The following ANKRD30BL variants were observed in gnomAD, a reference collection of about 807,000 sequenced individuals.
ANKRD30BL encodes the protein putative ankyrin repeat domain-containing protein 30B-like.
Under a neutral mutation model 18.4 loss-of-function variants are expected in ANKRD30BL, and 20 were observed. The observed-to-expected ratio is 1.09, with a 90% CI of 0.77 to 1.58. The LOEUF (loss-of-function observed/expected upper bound fraction) is 1.58, where lower values mean the gene tolerates loss of function less well. ANKRD30BL is among the 40% of genes most tolerant of loss of function. ANKRD30BL has a pLI of 0.00. For synonymous variants in ANKRD30BL, 72 were observed against 100.9 expected (o/e 0.71, Z 1.72); for missense variants, 224 against 268.6 (o/e 0.83, Z 1.16).
upstream of ANKRD30BL, among the ~76,000 whole-genome samples, chr2:132,162,848 G>T (rs1464690701): frequency 6.6e-6 from 1 of 152,260 alleles, no homozygotes; most frequent in Non-Finnish European, 1.5e-5. Context: ...CGCCGCCTGG[G>T]CCCAGAGGGG....
chr2:132,157,272 A>G (rs1410727364), intron 2 of ANKRD30BL, 37 bp downstream of exon 2: 2 of 865,354 alleles, frequency 2.3e-6, no homozygotes, highest in African/African-American at 3.3e-5. Flanking sequence ...ATTTAAACCA[A>G]ATCCATCTCC....
intron 1 of ANKRD30BL, among the ~76,000 whole-genome samples, chr2:132,229,057 T>A (rs531186271): frequency 4.5e-4 from 69 of 152,074 alleles, no homozygotes; most frequent in Non-Finnish European, 8.7e-4. Flanking sequence ...TTTTGTATAA[T>A]CTCTAAGTGG....
chr2:132,257,896 C>G (rs1680916536), exon 1 of ANKRD30BL: 1 of 153,572 alleles, frequency 6.5e-6, no homozygotes, highest in African/African-American at 2.4e-5. Flanking sequence ...AAAGCACCTC[C>G]AAGTAAACCC....
intron 1 of ANKRD30BL, among the ~76,000 whole-genome samples, chr2:132,198,267 C>CTTTCTTTGTTTTTTTTTTTTTTTTTTT (rs1679006929): frequency 7.8e-6 from 1 of 128,674 alleles, no homozygotes; most frequent in African/African-American, 3.6e-5. Context: ...TTCTTTCTTT[C>CTTTCTTTGTTTTTTTTTTTTTTTTTTT]TTTTCTTTCT....
intron 1 of ANKRD30BL, among the ~76,000 whole-genome samples, chr2:132,256,017 A>C (rs4953958): frequency 0.061 from 9,288 of 152,252 alleles, 342 homozygotes; most frequent in South Asian, 0.12. Context: ...AGTGCCCTTC[A>C]GCATGTAATA....
At chr2:132,195,788 C>CAA (rs1205804103) in intron 1 of ANKRD30BL, among the ~76,000 whole-genome samples, 85 of 48,612 alleles carry the variant, frequency 1.7e-3, no homozygotes, top group African/African-American at 3.7e-3. Context: ...GAGCCTCTGC[C>CAA]AAAAAAAAAA....
chr2:132,233,264 G>A (rs1368374625), intron 1 of ANKRD30BL, among the ~76,000 whole-genome samples: 1 of 151,656 alleles, frequency 6.6e-6, no homozygotes, highest in African/African-American at 2.4e-5. Flanking sequence ...AGACTAGGAA[G>A]AAACTGCATC....
rs368045316 is a variant in ANKRD30BL, at chr2:132,209,259, T to C, written n.441+48270A>G. 1.8e-4 allele frequency among the ~76,000 whole-genome samples: 27 copies of C among 152,264 alleles called. No homozygotes were observed. The East Asian group carries it at 3.5e-3, about 20-fold the overall frequency. On this transcript the variant is annotated intron_variant and non_coding_transcript_variant, in intron 1 of 4. Coordinates refer to the ANKRD30BL transcript ENST00000470729. ...CAACTCACAGAGTTGAAATATTCTT[T>C]TAATTGAGCAGTTTTGAAACACTCT...
intron 1 of ANKRD30BL, among the ~76,000 whole-genome samples, chr2:132,220,302 G>GTCCCTC (rs1355938640): frequency 3.9e-5 from 4 of 102,160 alleles, no homozygotes; most frequent in Admixed American, 1.1e-4. Context: ...CCCTCTCCCT[G>GTCCCTC]TCCCTCTCCC....
chr2:132,192,116 C>T (rs78168236), intron 1 of ANKRD30BL, among the ~76,000 whole-genome samples: 6 of 152,066 alleles, frequency 3.9e-5, no homozygotes, highest in African/African-American at 1.4e-4. Context: ...ATATTTATAT[C>T]TATCCATCTA....
At chr2:132,209,689 A>T (rs1348261728) in intron 1 of ANKRD30BL, among the ~76,000 whole-genome samples, 2 of 151,350 alleles carry the variant, frequency 1.3e-5, no homozygotes, top group Non-Finnish European at 3.0e-5. Context: ...AATATCTTCA[A>T]ATAAAAACTA....
At chr2:132,158,400 T>C (rs1474922287) in intron 1 of ANKRD30BL, among the ~76,000 whole-genome samples, 1 of 152,010 alleles carries the variant, frequency 6.6e-6, no homozygotes, top group Non-Finnish European at 1.5e-5. Context: ...TGATTAATAT[T>C]ACTATTTAAA....
At chr2:132,229,759 A>G (rs1186803522) in intron 1 of ANKRD30BL, among the ~76,000 whole-genome samples, 1 of 151,274 alleles carries the variant, frequency 6.6e-6, no homozygotes, top group African/African-American at 2.4e-5. Context: ...ACATTTGGAG[A>G]AATTTGAGGA....
At chr2:132,191,930 G>C (rs1443398839) in intron 1 of ANKRD30BL, among the ~76,000 whole-genome samples, 8 of 151,964 alleles carry the variant, frequency 5.3e-5, no homozygotes, top group African/African-American at 1.7e-4. Flanking sequence ...ATTTTTAGTA[G>C]AGACGGGGTT....
intron 1 of ANKRD30BL, among the ~76,000 whole-genome samples, chr2:132,229,992 C>T (rs1679963837): frequency 6.6e-6 from 1 of 151,810 alleles, no homozygotes; most frequent in Admixed American, 6.6e-5. Flanking sequence ...GAAGAATTCT[C>T]AGAAAATTTT....
intron 1 of ANKRD30BL, among the ~76,000 whole-genome samples, chr2:132,205,329 GGCTGGGCATTGTGGCTCAT>G (rs1679189441): frequency 6.6e-6 from 1 of 151,362 alleles, no homozygotes; most frequent in African/African-American, 2.5e-5. Context: ...AGAAAGCATG[GGCTGGGCATTGTGGCTCAT>G]GCCTATAATC....
At chr2:132,211,230 T>C (rs1226915064) in intron 1 of ANKRD30BL, among the ~76,000 whole-genome samples, 2 of 152,124 alleles carry the variant, frequency 1.3e-5, no homozygotes, top group African/African-American at 2.4e-5. Flanking sequence ...TACCTTCACA[T>C]AAAAACTAGA....
chr2:132,162,051 G>A (rs539981573), upstream of ANKRD30BL: 7 of 210,670 alleles, frequency 3.3e-5, no homozygotes, highest in South Asian at 4.8e-4. Flanking sequence ...GGTGGCACCT[G>A]CTACTGAGGC....
chr2:132,157,240 T>G, intron 2 of ANKRD30BL, 69 bp downstream of exon 2: 1 of 1,009,474 alleles, frequency 9.9e-7, no homozygotes, highest in Non-Finnish European at 1.5e-6. Context: ...TTCAATGAGA[T>G]AGATTCATTT....
Sources: allele counts gnomAD v4.1 joint callset (sites outside exome capture counted in the v4.1 genomes callset), GRCh38; gene constraint gnomAD v4.1.1; transcripts MANE v1.5; gene names NCBI Gene and HGNC (gene_info 2026-07-23, HGNC 2026-07-21).